PXDNL: variants seen among roughly 807,000 people sequenced by gnomAD.
PXDNL encodes probable oxidoreductase PXDNL.
Under a neutral mutation model 150.8 loss-of-function variants are expected in PXDNL, and 145 were observed. The observed-to-expected ratio is 0.96, with a 90% CI of 0.84 to 1.10. The LOEUF (loss-of-function observed/expected upper bound fraction) is 1.10. PXDNL is among the 50% of genes least tolerant of loss of function. PXDNL has a pLI of 0.00. For missense variants in PXDNL, 2,087 were observed against 1,873.9 expected (o/e 1.11, Z -2.10); for synonymous variants, 757 against 725.7 (o/e 1.04, Z -0.69).
intron 8 of PXDNL, among the ~76,000 whole-genome samples, chr8:51,471,827 C>T (rs1474264358): frequency 6.6e-6 from 1 of 151,944 alleles, no homozygotes; most frequent in South Asian, 2.1e-4. Flanking sequence ...GCTGGGACTA[C>T]AGGCGCTCAC....
At chr8:51,789,963 A>C (rs1344760346) in intron 1 of PXDNL, among the ~76,000 whole-genome samples, 1 of 152,192 alleles carries the variant, frequency 6.6e-6, no homozygotes, top group Non-Finnish European at 1.5e-5. Flanking sequence ...ACTATTTTTC[A>C]AGTCTTGGAA....
At chr8:51,801,743 C>G (rs998790184) in intron 1 of PXDNL, among the ~76,000 whole-genome samples, 1 of 152,172 alleles carries the variant, frequency 6.6e-6, no homozygotes, top group Non-Finnish European at 1.5e-5. Context: ...TAAACACAAT[C>G]CACTTATGTT....
chr8:51,447,943 T>C (rs1181330346), intron 11 of PXDNL, among the ~76,000 whole-genome samples: 1 of 152,276 alleles, frequency 6.6e-6, no homozygotes, highest in African/African-American at 2.4e-5. Flanking sequence ...ACAAAGACTC[T>C]GGCAAACAGC....
At chr8:51,395,267 A>G (rs990255156) in intron 17 of PXDNL, among the ~76,000 whole-genome samples, 6 of 152,202 alleles carry the variant, frequency 3.9e-5, no homozygotes, top group African/African-American at 1.2e-4. Flanking sequence ...CACACTCAAC[A>G]AAAGAGCTCT....
chr8:51,722,429 T>C (rs573156227), intron 1 of PXDNL, among the ~76,000 whole-genome samples: 1 of 152,310 alleles, frequency 6.6e-6, no homozygotes, highest in East Asian at 1.9e-4. Context: ...TGCACTCTTC[T>C]AGCTTTGCAG....
In PXDNL at chr8:51,592,645, A is replaced by G. The variant is rs1467812764; in HGVS notation, c.290T>C (p.Leu97Pro). ...AACTTACAGATATAGCAAATTTTCA[A>G]GTCCTTCAAAAGCATTTCTGGAAAT... is the stretch of plus-strand genomic sequence containing the variant. ...RKISRNAFEG[L>P]ENLLYLYLYK... Residue 97 changes from leucine to proline, a missense_variant, in exon 3 of 23, where the codon CTT becomes CCT. Transcript: ENST00000356297. 1 of 1,548,448 alleles carries G rather than the reference A, an allele frequency of 6.5e-7. No homozygotes were observed. Among genetic ancestry groups the G allele is most frequent in the East Asian group, 2.5e-5 (1 of 40,750 alleles).
At chr8:51,348,116 A>T (rs543552621) in intron 19 of PXDNL, among the ~76,000 whole-genome samples, 38 of 152,344 alleles carry the variant, frequency 2.5e-4, no homozygotes, top group African/African-American at 8.4e-4. Flanking sequence ...ATAGGTTGCA[A>T]GTATTCTCCC....
intron 2 of PXDNL, among the ~76,000 whole-genome samples, chr8:51,615,631 TTTATTC>T (rs1205853783): frequency 6.6e-6 from 1 of 152,190 alleles, no homozygotes; most frequent in East Asian, 1.9e-4. Context: ...TGAGAGTTAA[TTTATTC>T]AATGTGAGTG....
intron 2 of PXDNL, among the ~76,000 whole-genome samples, chr8:51,596,642 T>A (rs1236950393): frequency 6.6e-6 from 1 of 152,220 alleles, no homozygotes; most frequent in Non-Finnish European, 1.5e-5. Flanking sequence ...TGATTTGCTT[T>A]CATCTGATGA....
intron 19 of PXDNL, among the ~76,000 whole-genome samples, chr8:51,347,410 C>T (rs1314970186): frequency 6.6e-6 from 1 of 152,204 alleles, no homozygotes; most frequent in Non-Finnish European, 1.5e-5. Flanking sequence ...TATGAACTCA[C>T]TGGTATTAAA....
chr8:51,802,813 G>A (rs2037634753), intron 1 of PXDNL, among the ~76,000 whole-genome samples: 2 of 152,146 alleles, frequency 1.3e-5, no homozygotes, highest in African/African-American at 4.8e-5. Context: ...ATGGCAGAAT[G>A]GAATATACAG....
intron 4 of PXDNL, among the ~76,000 whole-genome samples, chr8:51,506,540 CAAAAAAAAAAAAAA>C (rs11312240): frequency 5.9e-5 from 4 of 67,502 alleles, no homozygotes; most frequent in African/African-American, 2.9e-4. Flanking sequence ...GACTCTGTCT[CAAAAAAAAAAAAAA>C]AAAAAAAAAA....
intron 3 of PXDNL, among the ~76,000 whole-genome samples, chr8:51,560,432 G>A (rs1812695436): frequency 6.6e-6 from 1 of 151,934 alleles, no homozygotes; most frequent in African/African-American, 2.4e-5. Flanking sequence ...CAAATGTATA[G>A]TAATCAAAAC....
intron 4 of PXDNL, among the ~76,000 whole-genome samples, chr8:51,534,849 G>C (rs1812027613): frequency 8.8e-6 from 1 of 113,760 alleles, no homozygotes. Context: ...GAGGTGGGGG[G>C]ATCAGCCCCC....
chr8:51,682,015 A>G (rs1181272192), intron 1 of PXDNL, among the ~76,000 whole-genome samples: 1 of 152,238 alleles, frequency 6.6e-6, no homozygotes, highest in Non-Finnish European at 1.5e-5. Flanking sequence ...TATAAAGCAG[A>G]AAAGTACGTA....
At chr8:51,671,186 T>A (rs1815493201) in intron 1 of PXDNL, among the ~76,000 whole-genome samples, 1 of 152,250 alleles carries the variant, frequency 6.6e-6, no homozygotes, top group African/African-American at 2.4e-5. Flanking sequence ...CTGTATATCC[T>A]TATTTGGAAG....
At chr8:51,612,639 GC>G (rs920846768) in intron 2 of PXDNL, among the ~76,000 whole-genome samples, 33 of 152,068 alleles carry the variant, frequency 2.2e-4, no homozygotes, top group African/African-American at 8.0e-4. Flanking sequence ...TGGGATTAGC[GC>G]CCTTATAAAA....
In PXDNL at chr8:51,499,679, T is replaced by A. The variant is rs188570226; in HGVS notation, c.452+20A>T. On this transcript the variant is annotated intron_variant, in intron 5 of 22. Transcript: ENST00000356297. Reference sequence around the variant, plus strand: ...AAATGTAAAGCAGAAGCAAAGGACATCTAAAGGGTCAACACTTACAGTCGC... The same window carrying A: ...AAATGTAAAGCAGAAGCAAAGGACAACTAAAGGGTCAACACTTACAGTCGC... The A allele has an allele frequency of 6.4e-6, 10 of 1,567,322 alleles. No individual in the cohort carries two copies. In the South Asian group the frequency reaches 8.9e-5, roughly 14 times the overall value.
intron 12 of PXDNL, among the ~76,000 whole-genome samples, chr8:51,431,685 C>A (rs1809251124): frequency 1.3e-5 from 2 of 152,146 alleles, no homozygotes; most frequent in African/African-American, 4.8e-5. Flanking sequence ...GGGTCCAATT[C>A]TTGGTCCTCT....
Sources: allele counts gnomAD v4.1 joint callset (sites outside exome capture counted in the v4.1 genomes callset), GRCh38; gene constraint gnomAD v4.1.1; transcripts MANE v1.5; gene names NCBI Gene and HGNC (gene_info 2026-07-23, HGNC 2026-07-21).